Variants in CFAP96 observed in about 807,000 individuals in gnomAD.
The protein encoded by CFAP96 is cilia-and flagella-associated protein 96.
chr4:185,434,018 T>C, the CFAP96 span, among the ~76,000 whole-genome samples: 150,112 of 152,332 alleles, frequency 0.99, 74,001 homozygotes, highest in East Asian at 1. Context: ...TAGGAGTTTG[T>C]GACCAGTCTG....
the CFAP96 span, chr4:185,415,767 T>C: frequency 4.3e-6 from 7 of 1,613,870 alleles, no homozygotes; most frequent in Non-Finnish European, 5.1e-6. Flanking sequence ...TAAAGTCATA[T>C]TAACATAATG....
At chr4:185,434,257 T>A in the CFAP96 span, among the ~76,000 whole-genome samples, 2 of 152,130 alleles carry the variant, frequency 1.3e-5, no homozygotes, top group Non-Finnish European at 2.9e-5. Context: ...GAGTGAGGGT[T>A]TTCTTCTTTA....
At chr4:185,437,716 T>A in the CFAP96 span, among the ~76,000 whole-genome samples, 132,431 of 152,144 alleles carry the variant, frequency 0.87, 58,093 homozygotes, top group East Asian at 0.99. Flanking sequence ...ATAGTGGCTC[T>A]GTAATTAATC....
At chr4:185,443,921 C>CTTTTTTTTTTTTT in the CFAP96 span, among the ~76,000 whole-genome samples, 8 of 82,848 alleles carry the variant, frequency 9.7e-5, 1 homozygote, top group Admixed American at 1.4e-4. Context: ...CTATATCTTT[C>CTTTTTTTTTTTTT]TTTTTTTTTT....
chr4:185,423,644 C>T, the CFAP96 span, among the ~76,000 whole-genome samples: 2 of 152,106 alleles, frequency 1.3e-5, no homozygotes, highest in East Asian at 1.9e-4. Context: ...ATGCTTACAA[C>T]TTATAAAGGG....
chr4:185,418,667 T>C, the CFAP96 span: 218 of 1,614,028 alleles, frequency 1.4e-4, no homozygotes, highest in African/African-American at 2.6e-3. Flanking sequence ...TGCTAGGCCA[T>C]ATATACACTG....
the CFAP96 span, chr4:185,445,511 C>T: frequency 6.3e-7 from 1 of 1,577,398 alleles, no homozygotes; most frequent in Non-Finnish European, 8.7e-7. Flanking sequence ...CCTAATGATG[C>T]TTGAGAGTTC....
At chr4:185,409,925 C>G in the CFAP96 span, among the ~76,000 whole-genome samples, 1 of 152,116 alleles carries the variant, frequency 6.6e-6, no homozygotes, top group Non-Finnish European at 1.5e-5. Context: ...GGATTCTCCC[C>G]AAGAGCCTAT....
the CFAP96 span, among the ~76,000 whole-genome samples, chr4:185,421,269 C>T: frequency 6.6e-6 from 1 of 152,142 alleles, no homozygotes; most frequent in Non-Finnish European, 1.5e-5. Flanking sequence ...CTCCCTTCCA[C>T]GGGGCTAGTA....
the CFAP96 span, among the ~76,000 whole-genome samples, chr4:185,444,558 T>G: frequency 6.6e-6 from 1 of 151,888 alleles, no homozygotes; most frequent in Non-Finnish European, 1.5e-5. Context: ...TAAAGTATCT[T>G]CTCCATCATT....
the CFAP96 span, among the ~76,000 whole-genome samples, chr4:185,408,893 C>T: frequency 2.0e-5 from 3 of 152,150 alleles, no homozygotes; most frequent in East Asian, 5.8e-4. Flanking sequence ...ACTACCCCAC[C>T]CCCTGCCTCA....
the CFAP96 span, among the ~76,000 whole-genome samples, chr4:185,443,970 G>T: frequency 2.0e-5 from 1 of 49,950 alleles, no homozygotes; most frequent in Admixed American, 4.1e-4. Context: ...TTTTTGAGAC[G>T]GAGTCTCGCT....
chr4:185,438,870 C>T, the CFAP96 span, among the ~76,000 whole-genome samples: 1 of 152,170 alleles, frequency 6.6e-6, no homozygotes, highest in Non-Finnish European at 1.5e-5. Context: ...CATTTTCTTG[C>T]ACAGCTGATG....
chr4:185,410,626 C>A, the CFAP96 span, among the ~76,000 whole-genome samples: 1 of 151,686 alleles, frequency 6.6e-6, no homozygotes, highest in Non-Finnish European at 1.5e-5. Flanking sequence ...CTAGCCTGGG[C>A]AACCGAGCAA....
chr4:185,418,323 T>A, the CFAP96 span: 1 of 732,986 alleles, frequency 1.4e-6, no homozygotes, highest in South Asian at 2.4e-5. Context: ...TTTAATCTTT[T>A]TGGACATCAA....
chr4:185,432,363 CAAGT>C, the CFAP96 span, among the ~76,000 whole-genome samples: 2 of 152,116 alleles, frequency 1.3e-5, no homozygotes, highest in African/African-American at 4.8e-5. Flanking sequence ...TTTAGATTGA[CAAGT>C]AATCTTGATT....
chr4:185,445,302 T>TACC, the CFAP96 span: 7 of 707,248 alleles, frequency 9.9e-6, no homozygotes, highest in South Asian at 2.1e-5. Flanking sequence ...CTTGTAGAAG[T>TACC]TCTCCCCCAT....
chr4:185,448,983 T>C, the CFAP96 span, among the ~76,000 whole-genome samples: 3 of 152,218 alleles, frequency 2.0e-5, no homozygotes, highest in Non-Finnish European at 2.9e-5. Flanking sequence ...TAATACATTA[T>C]CAAAACATTA....
At chr4:185,445,601 G>C in the CFAP96 span, 16 of 1,082,232 alleles carry the variant, frequency 1.5e-5, no homozygotes, top group African/African-American at 3.2e-5. Context: ...ATAATGCTTT[G>C]AGAAAAAGTA....
Sources: gnomAD v4.1 joint callset for allele counts (sites outside exome capture counted in the v4.1 genomes callset) on GRCh38, gnomAD v4.1.1 for gene constraint, MANE v1.5 for transcripts, NCBI Gene and HGNC (gene_info 2026-07-23, HGNC 2026-07-21) for gene names.